Variants in CEP128 observed in about 807,000 individuals in gnomAD.
CEP128 encodes centrosomal protein 128, also known as centrosomal protein 128kDa.
CEP128 carries 132 observed loss-of-function variants against 156.7 expected under a neutral mutation model. The observed-to-expected ratio is 0.84, with a 90% confidence interval of 0.73 to 0.97. The LOEUF is 0.97. Among genes scored for constraint, CEP128 ranks in the 50% least tolerant of loss-of-function variants. The pLI is 0.00. For synonymous variants in CEP128, 469 were observed against 448.9 expected, an observed-to-expected ratio of 1.04 and a Z score of -0.57; for missense variants, 1,252 against 1,281.9, an observed-to-expected ratio of 0.98 and a Z score of 0.36.
intron 14 of CEP128, among the ~76,000 whole-genome samples, chr14:80,480,683 G>C (rs1476061131): frequency 9.2e-5 from 14 of 152,112 alleles, no homozygotes; most frequent in Non-Finnish European, 1.6e-4. Context: ...TTCATGCTCT[G>C]CTTCCCTTAT....
chr14:80,635,772 C>T (rs1894156620), intron 19 of CEP128, among the ~76,000 whole-genome samples: 1 of 152,140 alleles, frequency 6.6e-6, no homozygotes, highest in Non-Finnish European at 1.5e-5. Context: ...CCAAAACACC[C>T]TAAAATCTGA....
intron 9 of CEP128, among the ~76,000 whole-genome samples, chr14:80,852,170 A>G (rs1388368503): frequency 6.6e-6 from 1 of 151,994 alleles, no homozygotes; most frequent in Admixed American, 6.6e-5. Flanking sequence ...CTTACTCTGG[A>G]GTACTTACAA....
Position 80,549,676 on chromosome 14 carries a change from G to C in CEP128, c.2880+9603C>G, listed in dbSNP as rs10134296. ...TATCAAGTCAGTTGTTTCCTGAGTTGTACAGCGGCACTTTAGTAAGTACTC... is the reference window on the plus strand; with the variant it reads ...TATCAAGTCAGTTGTTTCCTGAGTTCTACAGCGGCACTTTAGTAAGTACTC... On this transcript the variant is annotated intron_variant, in intron 21 of 24. Transcript: ENST00000555265. 7.1e-3 allele frequency among the ~76,000 whole-genome samples: 1,086 copies of C among 152,256 alleles called. 17 individuals carry two copies. The highest frequency in any genetic ancestry group is 0.025 in the African/African-American group (1,041 of 41,552).
rs1566831616 is a variant in CEP128, at chr14:80,647,063, A to ATGTGTGCATG, written c.2807-66641_2807-66640insCATGCACACA. Among the ~76,000 whole-genome samples the ATGTGTGCATG allele has an allele frequency of 3.1e-4, 21 of 67,914 alleles. 1 individual carries two copies. In the East Asian group the frequency reaches 3.2e-3, roughly 10 times the overall value. The allele number at this position is 67,914 out of a possible 152,430, so 44.6% of individuals were successfully genotyped here. On this transcript the variant is annotated intron_variant, in intron 19 of 24. Coordinates refer to ENST00000555265, the MANE Select transcript of CEP128 (RefSeq NM_152446.5). Reference sequence around the variant, plus strand: ...TATATATATATATATATATATATATATATATATATATATATATATATATAC... The same window carrying ATGTGTGCATG: ...TATATATATATATATATATATATATATGTGTGCATGTATATATATATATATATATATATAC...
intron 19 of CEP128, among the ~76,000 whole-genome samples, chr14:80,599,731 T>C (rs117127694): frequency 0.023 from 3,541 of 152,140 alleles, 68 homozygotes; most frequent in Non-Finnish European, 0.03. Flanking sequence ...CCTTAAATAA[T>C]TTATTTTAAA....
At chr14:80,907,313 T>C (rs1327105416) in intron 4 of CEP128, among the ~76,000 whole-genome samples, 1 of 152,070 alleles carries the variant, frequency 6.6e-6, no homozygotes, top group Admixed American at 6.5e-5. Context: ...TGTCTCCTCC[T>C]TACCTAAACT....
chr14:80,684,342 T>C lies in CEP128; in HGVS notation c.2806+58733A>G, dbSNP rs183806286. Among the ~76,000 whole-genome samples, 319 of 152,186 alleles carry C rather than the reference T, an allele frequency of 2.1e-3. 3 individuals are homozygous for C. The highest frequency in any genetic ancestry group is 4.6e-3 in the Admixed American group (71 of 15,274). On this transcript the variant is annotated intron_variant, in intron 19 of 24. Transcript: ENST00000555265. ...CTCTATGCATACAAATCAGAAAATC[T>C]AGAAGCAAATGAATAAATTCTTGAA...
At chr14:80,938,828 T>C (rs1232584008) in intron 2 of CEP128, among the ~76,000 whole-genome samples, 1 of 152,150 alleles carries the variant, frequency 6.6e-6, no homozygotes, top group Non-Finnish European at 1.5e-5. Context: ...TTTTGAACAT[T>C]GAAAGAGATG....
chr14:80,637,570 C>T (rs10131100), intron 19 of CEP128, among the ~76,000 whole-genome samples: 44,620 of 152,096 alleles, frequency 0.29, 8,515 homozygotes, highest in African/African-American at 0.53. Context: ...AAAGAAACTA[C>T]TCCGGATAAG....
At position 80,810,712 on chromosome 14, in the gene CEP128, T is replaced by C. The variant is rs1054346116; in HGVS notation, c.1210-17602A>G. 2.6e-5 allele frequency among the ~76,000 whole-genome samples: 4 copies of C among 152,134 alleles called. No individual in the cohort carries two copies. The East Asian group carries it at 7.7e-4, about 29-fold the overall frequency. On this transcript the variant is annotated intron_variant, in intron 13 of 24. Transcript: ENST00000555265. ...TTTAAAAATACTTTGGGAAGATTGG[T>C]ATTAGTTCTCTATACACCTGGTAGA...
rs147769339 is a variant in CEP128 at position 80,481,135 on chromosome 14, A to G, written c.*311-2728T>C. 2.0e-4 allele frequency among the ~76,000 whole-genome samples: 31 copies of G among 152,260 alleles called. No homozygotes were observed. In the East Asian group the frequency reaches 5.4e-3, roughly 27 times the overall value. ...TGGTAACAATTTACTGTATTAGCCC[A>G]TTTTCATGCTGCTGCTAAAGACATA... On this transcript the variant is annotated intron_variant and NMD_transcript_variant, in intron 14 of 14. Transcript: ENST00000554502.
At chr14:80,734,846 C>CAAAAAAAAAAA (rs397798792) in intron 19 of CEP128, among the ~76,000 whole-genome samples, 1 of 62,072 alleles carries the variant, frequency 1.6e-5, no homozygotes, top group African/African-American at 5.9e-5. Flanking sequence ...GACCCCATCT[C>CAAAAAAAAAAA]AAAAAAAAAA....
At chr14:80,609,195 G>A (rs1477983728) in intron 19 of CEP128, among the ~76,000 whole-genome samples, 1 of 151,968 alleles carries the variant, frequency 6.6e-6, no homozygotes, top group African/African-American at 2.4e-5. Flanking sequence ...ATATAAAGCT[G>A]AGATATTTTA....
chr14:80,797,721 T>G (rs1595415183), intron 13 of CEP128, among the ~76,000 whole-genome samples: 1 of 152,100 alleles, frequency 6.6e-6, no homozygotes, highest in Non-Finnish European at 1.5e-5. Flanking sequence ...ACACTCTCAC[T>G]CACATACATA....
rs138251550 is a variant in CEP128 at position 80,681,902 on chromosome 14, G to A, written c.2806+61173C>T. Among the ~76,000 whole-genome samples the A allele has an allele frequency of 1.9e-3, 286 of 152,236 alleles. 2 individuals carry two copies. The highest frequency in any genetic ancestry group is 6.8e-3 in the Middle Eastern group (2 of 294). Reference sequence around the variant, plus strand: ...AAGGATTGCTTGAGGGCAGGATTTTGAGACCAGTCTGGGCAACATAGCAAG... The same window carrying A: ...AAGGATTGCTTGAGGGCAGGATTTTAAGACCAGTCTGGGCAACATAGCAAG... On this transcript the variant is annotated intron_variant, in intron 19 of 24. Coordinates refer to ENST00000555265, the MANE Select transcript of CEP128 (RefSeq NM_152446.5).
Position 80,716,899 on chromosome 14 carries a change from T to C in CEP128, c.2806+26176A>G, listed in dbSNP as rs890985090. Among the ~76,000 whole-genome samples the C allele has an allele frequency of 2.0e-5, 3 of 152,230 alleles. No homozygotes were observed. In the East Asian group the frequency reaches 5.8e-4, roughly 29 times the overall value. Reference sequence around the variant, plus strand: ...CTATATCTTCGCCAGCAGTTGTTACTATCTTTTTTATTATAGCTGTCCTGG... The same window carrying C: ...CTATATCTTCGCCAGCAGTTGTTACCATCTTTTTTATTATAGCTGTCCTGG... On this transcript the variant is annotated intron_variant, in intron 19 of 24. Coordinates refer to ENST00000555265, the MANE Select transcript of CEP128 (RefSeq NM_152446.5).
chr14:80,662,363 G>T (rs1431370889), intron 19 of CEP128, among the ~76,000 whole-genome samples: 1 of 152,092 alleles, frequency 6.6e-6, no homozygotes, highest in Non-Finnish European at 1.5e-5. Context: ...TAACATTGCA[G>T]TCTCTAGAGA....
At chr14:80,669,243 T>G (rs748184443) in intron 19 of CEP128, among the ~76,000 whole-genome samples, 1 of 152,300 alleles carries the variant, frequency 6.6e-6, no homozygotes, top group Non-Finnish European at 1.5e-5. Flanking sequence ...AAAACTCTTC[T>G]GGACATGGGT....
At chr14:80,635,327 A>G (rs1436023272) in intron 19 of CEP128, among the ~76,000 whole-genome samples, 1 of 152,186 alleles carries the variant, frequency 6.6e-6, no homozygotes, top group East Asian at 1.9e-4. Context: ...AATGCACAGT[A>G]CATTATAAGA....
Sources: gnomAD v4.1 joint callset for allele counts (sites outside exome capture counted in the v4.1 genomes callset) on GRCh38, gnomAD v4.1.1 for gene constraint, MANE v1.5 for transcripts, NCBI Gene and HGNC (gene_info 2026-07-23, HGNC 2026-07-21) for gene names.